Variants in CCDC171 observed in about 807,000 individuals in gnomAD.
CCDC171 encodes coiled-coil domain containing 171, also known as coiled-coil domain-containing protein 171.
CCDC171 carries 177 observed loss-of-function variants against 168.2 expected under a neutral mutation model. The ratio of observed to expected loss-of-function variants is 1.05; its 90% CI spans 0.93 to 1.19. CCDC171 has a LOEUF of 1.19. Among genes scored for constraint, CCDC171 ranks in the 50% most tolerant of loss-of-function variants. The pLI, the probability that CCDC171 is intolerant of heterozygous loss-of-function variation, is 0.00. For synonymous variants in CCDC171, 687 were observed against 540.8 expected (o/e 1.27, Z -3.75); for missense variants, 1,991 against 1,539.0 (o/e 1.29, Z -4.91).
At chr9:15,696,627 G>A (rs1208159342) in intron 11 of CCDC171, among the ~76,000 whole-genome samples, 2 of 152,076 alleles carry the variant, frequency 1.3e-5, no homozygotes, top group Non-Finnish European at 2.9e-5. Context: ...TTTAAAAATT[G>A]TTAAATATTG....
At chr9:15,918,184 GTATC>G (rs1245061543) in intron 24 of CCDC171, among the ~76,000 whole-genome samples, 1 of 151,550 alleles carries the variant, frequency 6.6e-6, no homozygotes, top group Non-Finnish European at 1.5e-5. Flanking sequence ...ATTAAAAAAA[GTATC>G]TACTCCATAT....
At chr9:16,043,352 C>G (rs10810527) in intron 1 of CCDC171, among the ~76,000 whole-genome samples, 62,222 of 151,864 alleles carry the variant, frequency 0.41, 14,265 homozygotes, top group East Asian at 0.74. Context: ...TTATGACTAT[C>G]ATTTGTATTA....
At chr9:15,625,835 T>C (rs1027111389) in intron 7 of CCDC171, among the ~76,000 whole-genome samples, 1 of 152,154 alleles carries the variant, frequency 6.6e-6, no homozygotes, top group African/African-American at 2.4e-5. Flanking sequence ...TTAAAGTAGT[T>C]TTTTTCCAAT....
intron 1 of CCDC171, among the ~76,000 whole-genome samples, chr9:16,046,734 T>C (rs867065100): frequency 6.6e-6 from 1 of 152,188 alleles, no homozygotes; most frequent in African/African-American, 2.4e-5. Context: ...TTCTTGCTTG[T>C]GTGCCGCCAT....
chr9:15,731,372 G>A (rs995363229), intron 16 of CCDC171, among the ~76,000 whole-genome samples: 8 of 151,958 alleles, frequency 5.3e-5, no homozygotes, highest in African/African-American at 1.2e-4. Context: ...TCAGTTTTAC[G>A]CCTCATAGGC....
rs557613644 is a variant in CCDC171 at position 15,824,532 on chromosome 9, C to G, written c.3268-22170C>G. On this transcript the variant is annotated intron_variant, in intron 21 of 25. Transcript: ENST00000380701. ...CCAGGTGTTGGCAAGTACTTTGATT[C>G]ACATGATCTCCTGGTCTGAATTTAC... Among the ~76,000 whole-genome samples, 5 of 152,080 alleles carry G rather than the reference C, an allele frequency of 3.3e-5. No individual in the cohort carries two copies. The South Asian group carries it at 1.0e-3, about 32-fold the overall frequency.
At chr9:15,805,826 G>A (rs914413971) in intron 21 of CCDC171, among the ~76,000 whole-genome samples, 15 of 152,050 alleles carry the variant, frequency 9.9e-5, no homozygotes, top group Non-Finnish European at 2.2e-4. Context: ...CTGATAATCT[G>A]TCTAATATTG....
intron 24 of CCDC171, among the ~76,000 whole-genome samples, chr9:15,909,401 T>TAC (rs57910855): frequency 0.012 from 1,742 of 140,878 alleles, 39 homozygotes; most frequent in African/African-American, 0.037. Context: ...TACATGTGCG[T>TAC]ACACACACAC....
intron 1 of CCDC171, among the ~76,000 whole-genome samples, chr9:16,043,415 T>C (rs893598346): frequency 6.6e-6 from 1 of 152,190 alleles, no homozygotes. Flanking sequence ...ATAGATAAAT[T>C]AGTTTTGTAA....
intron 8 of CCDC171, 65 bp from the exon 9 acceptor site, chr9:15,666,098 A>G (rs2048712976): frequency 3.6e-6 from 5 of 1,389,996 alleles, no homozygotes; most frequent in African/African-American, 1.4e-5. Context: ...AAAGTATTCT[A>G]CTCAATTTAA....
rs148152632 is a variant in CCDC171, at chr9:15,616,412, T to G, written c.676-6855T>G. Among the ~76,000 whole-genome samples, 1,474 of 152,174 alleles carry G rather than the reference T, an allele frequency of 9.7e-3. 27 individuals are homozygous for G. Among genetic ancestry groups the G allele is most frequent in the African/African-American group, 0.034 (1,410 of 41,544 alleles). The stretch of plus-strand genomic sequence containing the variant: ...GATTTTCTTTTATAAATAAATCTCA[T>G]GAGACTTCCTAAATAATTTATTTTA... On this transcript the variant is annotated intron_variant, in intron 6 of 25. Transcript: ENST00000380701.
intron 2 of CCDC171, among the ~76,000 whole-genome samples, chr9:15,570,096 A>C (rs2040100378): frequency 6.6e-6 from 1 of 151,934 alleles, no homozygotes. Context: ...TTGCCTCCCA[A>C]GTAGCTGGGA....
chr9:15,882,001 T>A (rs2131347210), intron 24 of CCDC171, among the ~76,000 whole-genome samples: 1 of 152,294 alleles, frequency 6.6e-6, no homozygotes, highest in East Asian at 1.9e-4. Flanking sequence ...TATTTTTAGT[T>A]TTTTGAGGAA....
At chr9:15,573,716 C>T (rs1373570628) in intron 3 of CCDC171, among the ~76,000 whole-genome samples, 3 of 152,022 alleles carry the variant, frequency 2.0e-5, no homozygotes, top group Non-Finnish European at 4.4e-5. Flanking sequence ...AAACCAAATG[C>T]ACATTTTACT....
At chr9:15,928,321 GA>G (rs1826118096) in intron 25 of CCDC171, among the ~76,000 whole-genome samples, 1 of 151,644 alleles carries the variant, frequency 6.6e-6, no homozygotes, top group East Asian at 1.9e-4. Context: ...AATCTCAGTT[GA>G]AAAAAATGAA....
chr9:15,818,411 A>T (rs1384929665), intron 21 of CCDC171, among the ~76,000 whole-genome samples: 1 of 115,468 alleles, frequency 8.7e-6, no homozygotes, highest in Non-Finnish European at 1.9e-5. Flanking sequence ...TAAAGGAGGA[A>T]GTTCGAACGA....
chr9:16,102,595 T>C, the CCDC171 span, among the ~76,000 whole-genome samples: 1 of 152,112 alleles, frequency 6.6e-6, no homozygotes, highest in East Asian at 1.9e-4. Flanking sequence ...TCTGTGAAGA[T>C]CATGTAAATA....
intron 11 of CCDC171, among the ~76,000 whole-genome samples, chr9:15,721,355 A>G (rs904253155): frequency 6.6e-6 from 1 of 152,020 alleles, no homozygotes; most frequent in African/African-American, 2.4e-5. Flanking sequence ...GTAAGTGTAC[A>G]TAACTCCCCC....
intron 1 of CCDC171, among the ~76,000 whole-genome samples, chr9:16,048,892 C>T (rs1331038754): frequency 6.8e-6 from 1 of 146,020 alleles, no homozygotes; most frequent in African/African-American, 2.5e-5. Flanking sequence ...ATTTAGACCA[C>T]ACAATAGGCT....
Sources: allele counts gnomAD v4.1 joint callset (sites outside exome capture counted in the v4.1 genomes callset), GRCh38; gene constraint gnomAD v4.1.1; transcripts MANE v1.5; gene names NCBI Gene and HGNC (gene_info 2026-07-23, HGNC 2026-07-21).